The following SFSWAP variants were observed in gnomAD, a reference collection of about 807,000 sequenced individuals.
SFSWAP encodes the protein splicing factor, suppressor of white-apricot homolog.
Under a neutral mutation model 100.7 loss-of-function variants are expected in SFSWAP, and 17 were observed. The ratio of observed to expected loss-of-function variants is 0.17; its 90% CI spans 0.12 to 0.25. The LOEUF is 0.25. Among genes scored for constraint, SFSWAP ranks in the 10% least tolerant of loss-of-function variants. SFSWAP has a pLI of 1.00. For missense variants in SFSWAP, 1,005 were observed against 1,262.6 expected, an observed-to-expected ratio of 0.80 and a Z score of 3.09; for synonymous variants, 504 against 510.1, an observed-to-expected ratio of 0.99 and a Z score of 0.16.
At chr12:131,755,359 A>G in intron 9 of SFSWAP, 27 bp from the exon 10 acceptor site, 1 of 1,526,310 alleles carries the variant, frequency 6.6e-7, no homozygotes, top group Non-Finnish European at 9.1e-7. Flanking sequence ...TTGGTAAATG[A>G]CCCATTTTCT....
chr12:131,764,742 T>C (rs1033118263), intron 12 of SFSWAP, 56 bp downstream of exon 12: 4 of 1,312,290 alleles, frequency 3.0e-6, no homozygotes, highest in African/African-American at 1.5e-5. Flanking sequence ...AATATAAGAT[T>C]TATCTGCTAA....
At chr12:131,749,505 T>C (rs1881425457) in intron 7 of SFSWAP, among the ~76,000 whole-genome samples, 1 of 152,260 alleles carries the variant, frequency 6.6e-6, no homozygotes, top group Non-Finnish European at 1.5e-5. Flanking sequence ...AGAATTGCTG[T>C]GTACAACATA....
intron 15 of SFSWAP, chr12:131,796,002 A>G (rs1426530733): frequency 1.1e-3 from 6 of 5,302 alleles, no homozygotes; most frequent in African/African-American, 3.5e-3. Context: ...GGAGAGGGGG[A>G]GGGGAGGGGA....
At chr12:131,732,175 G>C (rs1021919263) in intron 7 of SFSWAP, among the ~76,000 whole-genome samples, 3 of 152,118 alleles carry the variant, frequency 2.0e-5, no homozygotes, top group Admixed American at 2.0e-4. Flanking sequence ...CTCCCAAAGT[G>C]CTGGGATTAC....
chr12:131,769,929 A>G (rs1487700366), intron 13 of SFSWAP, among the ~76,000 whole-genome samples: 1 of 152,238 alleles, frequency 6.6e-6, no homozygotes, highest in Non-Finnish European at 1.5e-5. Context: ...TAGAACATAG[A>G]AATGAGCGTT....
At chr12:131,765,982 AT>A (rs2136238893) in intron 12 of SFSWAP, 135 bp from the exon 13 acceptor site, 1 of 779,534 alleles carries the variant, frequency 1.3e-6, no homozygotes, top group East Asian at 2.5e-5. Flanking sequence ...TCAAAATTTG[AT>A]TTGTCCAATG....
Position 131,714,992 on chromosome 12 carries a change from C to CACGTGT in SFSWAP, c.520+43_520+48dup. On this transcript the variant is annotated intron_variant, in intron 3 of 17. Coordinates refer to ENST00000261674, the MANE Select transcript of SFSWAP (RefSeq NM_004592.4). This position sits in a 1 kb window ranked among gnomAD's most constrained non-coding sequence, Gnocchi z 6.0. Reference sequence around the variant, plus strand: ...TGCCTGGACTGCTGGTGTAGGGCTACACGTGTACGCACAGGCTGCATGCAC... The same window carrying CACGTGT: ...TGCCTGGACTGCTGGTGTAGGGCTACACGTGTACGTGTACGCACAGGCTGCATGCAC... The CACGTGT allele has an allele frequency of 6.2e-7, 1 of 1,608,794 alleles. No individual in the cohort carries two copies. The highest frequency in any genetic ancestry group is 8.5e-7 in the Non-Finnish European group (1 of 1,176,540).
chr12:131,799,174 G>A (rs1593204315), intron 17 of SFSWAP, 65 bp downstream of exon 17: 2 of 1,343,704 alleles, frequency 1.5e-6, no homozygotes, highest in East Asian at 2.3e-5. Context: ...TTTCTCTGTT[G>A]CTAATTTTCA....
intron 14 of SFSWAP, among the ~76,000 whole-genome samples, chr12:131,782,228 G>A (rs1352644057): frequency 6.6e-6 from 1 of 152,234 alleles, no homozygotes; most frequent in Non-Finnish European, 1.5e-5. Context: ...TGGGAACAGT[G>A]AGTGCGTGTT....
intron 15 of SFSWAP, among the ~76,000 whole-genome samples, chr12:131,787,364 C>T (rs1884968315): frequency 1.3e-5 from 2 of 152,356 alleles, no homozygotes; most frequent in South Asian, 2.1e-4. Flanking sequence ...ACTACCCTCT[C>T]GGCCGTGGGG....
chr12:131,799,125 C>G lies in SFSWAP; in HGVS notation c.2790+16C>G. The G allele has an allele frequency of 6.2e-7, 1 of 1,601,706 alleles. No homozygotes were observed. The highest frequency in any genetic ancestry group is 1.7e-5 in the Admixed American group (1 of 59,982). Reference sequence around the variant, plus strand: ...AATCACTCAGGTCAGTGGGCACGCCCCCCTCCCGCTCCCAGCCTTTCATCA... The same window carrying G: ...AATCACTCAGGTCAGTGGGCACGCCGCCCTCCCGCTCCCAGCCTTTCATCA... On this transcript the variant is annotated intron_variant, in intron 17 of 17. Coordinates refer to ENST00000261674, the MANE Select transcript of SFSWAP (RefSeq NM_004592.4).
chr12:131,776,916 G>T (rs891399271), intron 13 of SFSWAP, among the ~76,000 whole-genome samples: 3 of 152,224 alleles, frequency 2.0e-5, no homozygotes, highest in Non-Finnish European at 2.9e-5. Flanking sequence ...ATCTGGTTCC[G>T]ATGCGCTGTG....
At chr12:131,743,374 G>A (rs1424202696) in intron 7 of SFSWAP, among the ~76,000 whole-genome samples, 1 of 152,238 alleles carries the variant, frequency 6.6e-6, no homozygotes, top group Non-Finnish European at 1.5e-5. Context: ...TACAGGCATT[G>A]GGTAAATACA....
At chr12:131,796,981 A>G in intron 15 of SFSWAP, 197 bp from the exon 16 acceptor site, 1 of 535,026 alleles carries the variant, frequency 1.9e-6, no homozygotes, top group Non-Finnish European at 3.3e-6. Flanking sequence ...TTGAGGTCCT[A>G]AATGGGGACG....
At chr12:131,757,249 G>A (rs1185958564) in intron 11 of SFSWAP, 1 of 152,622 alleles carries the variant, frequency 6.6e-6, no homozygotes, top group Non-Finnish European at 1.5e-5. Flanking sequence ...AGCTGGTGTT[G>A]CGAGAGGAAC....
At chr12:131,796,822 A>C in intron 15 of SFSWAP, 1 of 195,136 alleles carries the variant, frequency 5.1e-6, no homozygotes, top group Non-Finnish European at 1.0e-5. Flanking sequence ...ATGTATTGAT[A>C]CTTTAATAAA....
rs1036838394 is a variant in SFSWAP, at chr12:131,764,655, A to G, written c.1920A>G (p.Gln640=). 4 of 1,614,002 alleles carry G rather than the reference A, an allele frequency of 2.5e-6. No individual in the cohort carries two copies. Among genetic ancestry groups the G allele is most frequent in the African/African-American group, 1.3e-5 (1 of 74,934 alleles). ...PCVVVEEKKP[Q]LTQEELEAKQ... ...TAGTTGTTGAGGAGAAGAAGCCTCA[A>G]CTTACCCAGGAGGAGCTAGAAGCAA... Residue 640 remains glutamine, a synonymous_variant, in exon 12 of 18, where the codon CAA becomes CAG. Coordinates refer to ENST00000261674, the MANE Select transcript of SFSWAP (RefSeq NM_004592.4).
intron 15 of SFSWAP, 46 bp from the exon 16 acceptor site, chr12:131,797,132 C>A: frequency 6.4e-7 from 1 of 1,558,694 alleles, no homozygotes; most frequent in South Asian, 1.1e-5. Context: ...TTGTGCCCTG[C>A]CTTTAAACCA....
intron 1 of SFSWAP, chr12:131,712,512 C>T (rs1221776430): frequency 6.6e-6 from 1 of 152,168 alleles, no homozygotes; most frequent in Non-Finnish European, 1.5e-5. Flanking sequence ...TGAAGAAAGC[C>T]CATCGTTTGA....
Sources: gnomAD v4.1 joint callset for allele counts (sites outside exome capture counted in the v4.1 genomes callset) on GRCh38, gnomAD v4.1.1 for gene constraint, Gnocchi (gnomAD v3.1) non-coding constraint, MANE v1.5 for transcripts, NCBI Gene and HGNC (gene_info 2026-07-23, HGNC 2026-07-21) for gene names.